The following VPS50 variants were observed in gnomAD, a reference collection of about 807,000 sequenced individuals.
VPS50 encodes VPS50 subunit of EARP/GARPII complex.
VPS50 carries 70 observed loss-of-function variants against 139.7 expected under a neutral mutation model. The ratio of observed to expected loss-of-function variants is 0.50; its 90% CI spans 0.41 to 0.61. The LOEUF (loss-of-function observed/expected upper bound fraction) is 0.61. VPS50 is among the 20% of genes least tolerant of loss of function. The pLI is 0.00. For synonymous variants in VPS50, 365 were observed against 376.7 expected (o/e 0.97, Z 0.36); for missense variants, 921 against 1,133.7 (o/e 0.81, Z 2.69).
chr7:93,311,315 AGTTT>A (rs1797260156), intron 20 of VPS50, 43 bp downstream of exon 20: 2 of 843,784 alleles, frequency 2.4e-6, no homozygotes, highest in East Asian at 2.4e-5. Flanking sequence ...CAGTTAAATT[AGTTT>A]GTTACCGAAT....
At chr7:93,239,758 G>A in intron 1 of VPS50, 108 bp from the exon 2 acceptor site, 1 of 622,548 alleles carries the variant, frequency 1.6e-6, no homozygotes, top group Non-Finnish European at 2.9e-6. Flanking sequence ...TTTGAAGCAG[G>A]AAAATTTCTA....
chr7:93,335,156 T>G (rs1798038144), intron 22 of VPS50, among the ~76,000 whole-genome samples: 1 of 152,198 alleles, frequency 6.6e-6, no homozygotes, highest in Non-Finnish European at 1.5e-5. Context: ...GAACTTGTAT[T>G]TTTTTGGAGC....
At chr7:93,289,320 A>G (rs1796582608) in intron 12 of VPS50, among the ~76,000 whole-genome samples, 1 of 152,076 alleles carries the variant, frequency 6.6e-6, no homozygotes, top group Non-Finnish European at 1.5e-5. Flanking sequence ...ATCTCTGTTT[A>G]TGAAGTGTGT....
intron 24 of VPS50, 48 bp downstream of exon 24, chr7:93,348,855 T>C: frequency 8.2e-7 from 1 of 1,223,218 alleles, no homozygotes; most frequent in Non-Finnish European, 1.2e-6. Flanking sequence ...AAGATAGGAC[T>C]GTCACAGATT....
At chr7:93,328,120 T>C (rs1169139897) in intron 21 of VPS50, among the ~76,000 whole-genome samples, 3 of 152,312 alleles carry the variant, frequency 2.0e-5, no homozygotes, top group Non-Finnish European at 2.9e-5. Context: ...ATCTGATCCA[T>C]TGGATTCTAT....
At chr7:93,299,422 A>G (rs1049376641) in intron 16 of VPS50, among the ~76,000 whole-genome samples, 3 of 152,176 alleles carry the variant, frequency 2.0e-5, no homozygotes, top group African/African-American at 7.2e-5. Context: ...TGTATGAAAC[A>G]TGGTGAAATA....
rs1797381750 is a variant in VPS50 at position 93,314,971 on chromosome 7, A to T, written c.1855+3699A>T. Among the ~76,000 whole-genome samples the T allele has an allele frequency of 2.0e-5, 3 of 152,144 alleles. No homozygotes were observed. The South Asian group carries it at 6.2e-4, about 32-fold the overall frequency. Reference sequence around the variant, plus strand: ...CATAAAAATGGTTAAAAATTAAAATACCCCAAGGTATAAGCAGAGCCCCTG... The same window carrying T: ...CATAAAAATGGTTAAAAATTAAAATTCCCCAAGGTATAAGCAGAGCCCCTG... On this transcript the variant is annotated intron_variant, in intron 20 of 27. Transcript: ENST00000305866.
At chr7:93,322,039 A>G (rs892713253) in intron 20 of VPS50, among the ~76,000 whole-genome samples, 7 of 152,036 alleles carry the variant, frequency 4.6e-5, no homozygotes, top group African/African-American at 7.3e-5. Context: ...GTCTGTGTGA[A>G]ATAATTGCAA....
intron 9 of VPS50, among the ~76,000 whole-genome samples, chr7:93,268,974 T>G (rs1481089204): frequency 6.6e-6 from 1 of 152,148 alleles, no homozygotes; most frequent in African/African-American, 2.4e-5. Context: ...ATTTGATTAC[T>G]AATTACATAT....
intron 20 of VPS50, among the ~76,000 whole-genome samples, chr7:93,318,973 A>G (rs1351909007): frequency 6.6e-6 from 1 of 152,192 alleles, no homozygotes; most frequent in Non-Finnish European, 1.5e-5. Flanking sequence ...GCAAAAGTAG[A>G]AAAGCAAGAG....
At chr7:93,281,968 G>C (rs1796340407) in intron 12 of VPS50, among the ~76,000 whole-genome samples, 2 of 152,132 alleles carry the variant, frequency 1.3e-5, no homozygotes, top group African/African-American at 4.8e-5. Flanking sequence ...ACTTTGGGAG[G>C]CTGAGGCGGG....
intron 1 of VPS50, among the ~76,000 whole-genome samples, chr7:93,234,482 A>G (rs1794739812): frequency 6.6e-6 from 1 of 152,232 alleles, no homozygotes; most frequent in East Asian, 1.9e-4. Context: ...TTTTGCATAC[A>G]TATTTAAAGT....
intron 22 of VPS50, among the ~76,000 whole-genome samples, chr7:93,336,803 C>T (rs1304409342): frequency 2.0e-5 from 3 of 151,970 alleles, no homozygotes; most frequent in African/African-American, 4.8e-5. Flanking sequence ...TGAGCCACTG[C>T]ACCTGGGCCT....
intron 21 of VPS50, among the ~76,000 whole-genome samples, chr7:93,331,548 A>G (rs887347263): frequency 1.3e-5 from 2 of 152,126 alleles, no homozygotes; most frequent in Non-Finnish European, 2.9e-5. Context: ...AAAAGAAAAA[A>G]AAAGCCTCAA....
chr7:93,264,735 C>T (rs1038230068), intron 9 of VPS50, among the ~76,000 whole-genome samples: 1 of 152,142 alleles, frequency 6.6e-6, no homozygotes, highest in Non-Finnish European at 1.5e-5. Context: ...CTTTTCTTCC[C>T]CTATTGCATT....
rs568388565 is a variant in VPS50 at position 93,346,300 on chromosome 7, G to A, written c.2208-2411G>A. Among the ~76,000 whole-genome samples the A allele has an allele frequency of 9.3e-3, 1,421 of 152,154 alleles. 24 individuals carry two copies. The highest frequency in any genetic ancestry group is 0.032 in the African/African-American group (1,338 of 41,512). ...AAGGACCTCTTCAAGGAGAACTACA[G>A]ACCACTGCTCAAAGAAATAAAAGAG... is the stretch of plus-strand genomic sequence containing the variant. On this transcript the variant is annotated intron_variant, in intron 23 of 27. Transcript: ENST00000305866.
chr7:93,245,789 T>G (rs994033053), intron 2 of VPS50, among the ~76,000 whole-genome samples: 1 of 151,876 alleles, frequency 6.6e-6, no homozygotes, highest in African/African-American at 2.4e-5. Context: ...ACACAGAAAC[T>G]GATGAACCGG....
chr7:93,277,176 G>C (rs995624829), intron 12 of VPS50, among the ~76,000 whole-genome samples: 6 of 152,158 alleles, frequency 3.9e-5, no homozygotes, highest in Non-Finnish European at 7.4e-5. Flanking sequence ...GCAACTAGCT[G>C]GGTAGGAGGA....
At chr7:93,291,661 A>T (rs777901782) in intron 12 of VPS50, 42 bp from the exon 13 acceptor site, 3 of 1,152,688 alleles carry the variant, frequency 2.6e-6, no homozygotes, top group Non-Finnish European at 3.6e-6. Context: ...CTGTTAGAGT[A>T]AACATAATAA....
Sources: allele counts gnomAD v4.1 joint callset (sites outside exome capture counted in the v4.1 genomes callset), GRCh38; gene constraint gnomAD v4.1.1; transcripts MANE v1.5; gene names NCBI Gene and HGNC (gene_info 2026-07-23, HGNC 2026-07-21).